ANO3: variants seen among roughly 807,000 people sequenced by gnomAD.
ANO3 encodes anoctamin 3, also known as anoctamin-3.
Under a neutral mutation model 144.8 loss-of-function variants are expected in ANO3, and 99 were observed. That is an observed-to-expected ratio of 0.68 (90% confidence interval 0.58 to 0.81). The LOEUF (loss-of-function observed/expected upper bound fraction) is 0.81, where lower values mean the gene tolerates loss of function less well. Among genes scored for constraint, ANO3 ranks in the 30% least tolerant of loss-of-function variants. The probability of loss-of-function intolerance (pLI) is 0.00; values close to 1 mark genes in which losing one functional copy is unlikely to be tolerated. For synonymous variants in ANO3, 414 were observed against 392.6 expected (o/e 1.05, Z -0.64); for missense variants, 905 against 1,202.2 (o/e 0.75, Z 3.66).
At chr11:26,487,869 A>G (rs1281432377) in intron 4 of ANO3, among the ~76,000 whole-genome samples, 1 of 152,170 alleles carries the variant, frequency 6.6e-6, no homozygotes, top group Non-Finnish European at 1.5e-5. Context: ...AGGTGCTATT[A>G]AAAGCATCAC....
In ANO3 at chr11:26,571,013, A is replaced by T. The variant is rs1850802536; in HGVS notation, c.1447+11234A>T. On this transcript the variant is annotated intron_variant, in intron 14 of 26. Coordinates refer to ENST00000256737, the MANE Select transcript of ANO3 (RefSeq NM_031418.4). ...AAAAAGAAAAGACTGGCTTTCTTTC[A>T]AGAAAAAAACAAATTTCAGAAGTTT... Among the ~76,000 whole-genome samples, 2 of 152,122 alleles carry T rather than the reference A, an allele frequency of 1.3e-5. 1 individual carries two copies. The highest frequency in any genetic ancestry group is 4.1e-4 in the South Asian group (2 of 4,832).
At chr11:26,578,370 G>A (rs1023955025) in intron 14 of ANO3, among the ~76,000 whole-genome samples, 4 of 152,154 alleles carry the variant, frequency 2.6e-5, no homozygotes, top group Non-Finnish European at 4.4e-5. Flanking sequence ...TCAGCAGTAC[G>A]TATTGACATA....
At chr11:26,593,560 C>A (rs1311602232) in intron 14 of ANO3, among the ~76,000 whole-genome samples, 1 of 152,124 alleles carries the variant, frequency 6.6e-6, no homozygotes, top group Non-Finnish European at 1.5e-5. Context: ...AGGGTGATGG[C>A]ATGGGCTGGC....
Position 26,430,805 on chromosome 11 carries a change from T to TA in ANO3, c.47-11109dup, listed in dbSNP as rs1858063688. On this transcript the variant is annotated intron_variant, in intron 1 of 26. Coordinates refer to ENST00000256737, the MANE Select transcript of ANO3 (RefSeq NM_031418.4). ...GCTCTATGCAAATCAATTTGAAAGC[T>TA]AAAATGGGGAAATACTTTTTGTCCA... Among the ~76,000 whole-genome samples, 10 of 152,258 alleles carry TA rather than the reference T, an allele frequency of 6.6e-5. 1 individual carries two copies. The South Asian group carries it at 2.1e-3, about 32-fold the overall frequency.
chr11:26,238,618 GGC>G (rs1852586138), intron 1 of ANO3, among the ~76,000 whole-genome samples: 1 of 151,958 alleles, frequency 6.6e-6, no homozygotes, highest in Non-Finnish European at 1.5e-5. Context: ...GAACAAATTA[GGC>G]AATGATTTCT....
At chr11:26,431,223 G>A (rs1426925317) in intron 1 of ANO3, among the ~76,000 whole-genome samples, 1 of 152,204 alleles carries the variant, frequency 6.6e-6, no homozygotes, top group Non-Finnish European at 1.5e-5. Context: ...GTAGGAAAAT[G>A]TCTAAATTCT....
In ANO3 at chr11:26,595,460, G is replaced by GTTTTTTTTTTT. The variant is rs201712393; in HGVS notation, c.1448-2888_1448-2878dup. 6.1e-3 allele frequency among the ~76,000 whole-genome samples: 623 copies of GTTTTTTTTTTT among 101,308 alleles called. 39 individuals carry two copies. The highest frequency in any genetic ancestry group is 0.02 in the Middle Eastern group (3 of 150). 66.5% of individuals were successfully genotyped at this position (101,308 alleles called of 152,430 possible). A position where few individuals can be genotyped will look rare whatever the true frequency, so the allele number is the denominator to read the frequency against. On this transcript the variant is annotated intron_variant, in intron 14 of 26. Transcript: ENST00000256737. ...TTTGACTCAGTATTGAGATAGAGTT[G>GTTTTTTTTTTT]TTTTTTTTTTTTTTTTTTTTTTTTT...
At chr11:26,443,390 C>T (rs1376923950) in intron 2 of ANO3, among the ~76,000 whole-genome samples, 1 of 151,964 alleles carries the variant, frequency 6.6e-6, no homozygotes, top group South Asian at 2.1e-4. Context: ...TCACTTGAGG[C>T]CAGGAGTTCG....
intron 1 of ANO3, among the ~76,000 whole-genome samples, chr11:26,338,577 C>T (rs11029527): frequency 0.02 from 3,118 of 152,240 alleles, 43 homozygotes; most frequent in Non-Finnish European, 0.027. Flanking sequence ...TTTGTTCTTT[C>T]GCTTTTTATA....
intron 5 of ANO3, among the ~76,000 whole-genome samples, chr11:26,512,199 A>G (rs1861690838): frequency 6.6e-6 from 1 of 152,148 alleles, no homozygotes. Context: ...ATCTTATCCT[A>G]TGTTCTTTCC....
chr11:26,505,992 C>CAA (rs56193607), intron 4 of ANO3, among the ~76,000 whole-genome samples: 5 of 78,410 alleles, frequency 6.4e-5, no homozygotes, highest in African/African-American at 2.6e-4. Flanking sequence ...GACTCTGTCT[C>CAA]AAAAAAAAAA....
intron 1 of ANO3, among the ~76,000 whole-genome samples, chr11:26,410,826 A>T (rs1317310643): frequency 6.6e-6 from 1 of 151,996 alleles, no homozygotes. Context: ...GAGGAATGAC[A>T]TGCCATCCAG....
At chr11:26,558,188 T>C (rs1227503274) in intron 13 of ANO3, among the ~76,000 whole-genome samples, 1 of 152,190 alleles carries the variant, frequency 6.6e-6, no homozygotes, top group Non-Finnish European at 1.5e-5. Flanking sequence ...ACACAAACTA[T>C]GATAAGTTCA....
chr11:26,224,991 G>T (rs1044768567), intron 1 of ANO3, among the ~76,000 whole-genome samples: 4 of 152,028 alleles, frequency 2.6e-5, no homozygotes, highest in African/African-American at 9.7e-5. Flanking sequence ...ATATAAAATG[G>T]CATGTACTCT....
intron 1 of ANO3, among the ~76,000 whole-genome samples, chr11:26,311,890 T>C (rs962071814): frequency 1.3e-5 from 2 of 152,236 alleles, no homozygotes; most frequent in African/African-American, 4.8e-5. Context: ...AGGGTACATG[T>C]GCACAATGTG....
chr11:26,483,177 T>C (rs1438862635), intron 4 of ANO3, among the ~76,000 whole-genome samples: 2 of 152,176 alleles, frequency 1.3e-5, no homozygotes, highest in African/African-American at 4.8e-5. Flanking sequence ...TTAATTTACA[T>C]TCCCACCAAG....
At chr11:26,561,508 A>T (rs1001275713) in intron 14 of ANO3, among the ~76,000 whole-genome samples, 52 of 152,144 alleles carry the variant, frequency 3.4e-4, no homozygotes, top group African/African-American at 1.3e-3. Context: ...CCTTGCATAA[A>T]GAAGTGTAGA....
intron 1 of ANO3, among the ~76,000 whole-genome samples, chr11:26,437,994 A>G (rs1223547925): frequency 6.6e-6 from 1 of 152,190 alleles, no homozygotes; most frequent in Non-Finnish European, 1.5e-5. Flanking sequence ...ATAGCTAAGG[A>G]ATAAAATTAT....
At chr11:26,464,312 C>T (rs966716633) in intron 4 of ANO3, among the ~76,000 whole-genome samples, 1 of 151,802 alleles carries the variant, frequency 6.6e-6, no homozygotes, top group Non-Finnish European at 1.5e-5. Context: ...AAATCTGCCT[C>T]CCTGTGTCTG....
Sources: gnomAD v4.1 joint callset for allele counts (sites outside exome capture counted in the v4.1 genomes callset) on GRCh38, gnomAD v4.1.1 for gene constraint, MANE v1.5 for transcripts, NCBI Gene and HGNC (gene_info 2026-07-23, HGNC 2026-07-21) for gene names.